The following GADL1 variants were observed in gnomAD, a reference collection of about 807,000 sequenced individuals.
GADL1 encodes GAD like acidic amino acid decarboxylase 1.
In GADL1, 71 loss-of-function variants were observed where a neutral mutation model predicts 69.5. The observed-to-expected ratio is 1.02, with a 90% CI of 0.84 to 1.25. The LOEUF (loss-of-function observed/expected upper bound fraction) is 1.25, where lower values mean the gene tolerates loss of function less well. Ranked by LOEUF, GADL1 falls within the 50% of genes most tolerant of loss-of-function variation. The pLI is 0.00. For synonymous variants in GADL1, 254 were observed against 214.4 expected, an observed-to-expected ratio of 1.18 and a Z score of -1.62; for missense variants, 737 against 631.8, an observed-to-expected ratio of 1.17 and a Z score of -1.79.
chr3:30,742,601 G>A (rs1695643212), intron 14 of GADL1, among the ~76,000 whole-genome samples: 1 of 151,764 alleles, frequency 6.6e-6, no homozygotes, highest in Non-Finnish European at 1.5e-5. Context: ...ATAAAATTCA[G>A]GTCTTTTCTG....
intron 13 of GADL1, among the ~76,000 whole-genome samples, chr3:30,785,700 G>T (rs971785660): frequency 4.1e-4 from 62 of 152,240 alleles, no homozygotes; most frequent in African/African-American, 1.5e-3. Flanking sequence ...TATAGCACAG[G>T]TTCCAAGACT....
intron 1 of GADL1, among the ~76,000 whole-genome samples, chr3:30,877,672 A>G (rs1428442095): frequency 1.3e-5 from 2 of 152,060 alleles, no homozygotes; most frequent in East Asian, 3.9e-4. Context: ...GTATTAAAAG[A>G]TCAAACAACA....
intron 14 of GADL1, among the ~76,000 whole-genome samples, chr3:30,777,793 G>GT (rs1398741163): frequency 1.3e-5 from 2 of 152,190 alleles, no homozygotes; most frequent in South Asian, 2.1e-4. Context: ...CTTACAAAAA[G>GT]TATCAGATTT....
chr3:30,841,739 G>A (rs1429694132), intron 8 of GADL1, among the ~76,000 whole-genome samples: 1 of 152,158 alleles, frequency 6.6e-6, no homozygotes, highest in East Asian at 1.9e-4. Context: ...ACCACTAAGT[G>A]AGAAGCTGAT....
Position 30,858,181 on chromosome 3 carries a change from C to G in GADL1, c.211-1040G>C, listed in dbSNP as rs546684592. Among the ~76,000 whole-genome samples, 7 of 152,150 alleles carry G rather than the reference C, an allele frequency of 4.6e-5. No homozygotes were observed. The South Asian group carries it at 1.5e-3, about 32-fold the overall frequency. ...GCTCACTGATCCCAAGTGACTACCACAGAGTCTGCACATAATAGTGCTCAA... is the reference window on the plus strand; with the variant it reads ...GCTCACTGATCCCAAGTGACTACCAGAGAGTCTGCACATAATAGTGCTCAA... On this transcript the variant is annotated intron_variant, in intron 2 of 14. Transcript: ENST00000282538.
intron 14 of GADL1, 135 bp from the exon 15 acceptor site, chr3:30,728,550 C>T (rs1695406214): frequency 1.6e-6 from 1 of 626,982 alleles, no homozygotes; most frequent in South Asian, 1.9e-5. Context: ...AAGGTTGACA[C>T]TAATAATAAT....
chr3:30,811,433 C>T (rs909081278), intron 11 of GADL1, among the ~76,000 whole-genome samples: 2 of 152,154 alleles, frequency 1.3e-5, no homozygotes, highest in Admixed American at 6.6e-5. Flanking sequence ...ATAGTACAAT[C>T]GGTCTTCTCT....
chr3:30,752,335 C>T (rs773290677), intron 14 of GADL1, among the ~76,000 whole-genome samples: 12 of 152,130 alleles, frequency 7.9e-5, no homozygotes, highest in South Asian at 2.1e-4. Flanking sequence ...CTCTTGCTGA[C>T]AGTTACGGGT....
In GADL1 at chr3:30,783,408, T is replaced by C. The variant is rs573973848; in HGVS notation, c.1302+2947A>G. On this transcript the variant is annotated intron_variant, in intron 13 of 14. Transcript: ENST00000282538. ...AAAATAATACATTTCTTGAAGATGATTGAAAGTTATTTTTATTCTTTCCAG... is the reference window on the plus strand; with the variant it reads ...AAAATAATACATTTCTTGAAGATGACTGAAAGTTATTTTTATTCTTTCCAG... Among the ~76,000 whole-genome samples, 24 of 152,110 alleles carry C rather than the reference T, an allele frequency of 1.6e-4. 1 individual carries two copies. Among genetic ancestry groups the C allele is most frequent in the African/African-American group, 4.8e-4 (20 of 41,544 alleles).
chr3:30,843,561 A>ACAC (rs1003895004), intron 8 of GADL1, among the ~76,000 whole-genome samples: 5 of 152,156 alleles, frequency 3.3e-5, no homozygotes, highest in African/African-American at 1.2e-4. Flanking sequence ...CGGCCTAATG[A>ACAC]CACCCCTTTT....
chr3:30,730,103 C>T (rs934635015), intron 14 of GADL1, among the ~76,000 whole-genome samples: 4 of 152,120 alleles, frequency 2.6e-5, no homozygotes, highest in African/African-American at 9.7e-5. Flanking sequence ...TAAACAACAG[C>T]CTGCATTCAC....
At chr3:30,860,549 A>G (rs576106927) in intron 2 of GADL1, among the ~76,000 whole-genome samples, 255 of 152,134 alleles carry the variant, frequency 1.7e-3, no homozygotes, top group Non-Finnish European at 2.2e-3. Flanking sequence ...TGCCTTGAAC[A>G]TAACTTCCAA....
In GADL1 at chr3:30,894,561, C is replaced by CCG; in HGVS notation, c.37+15_37+16dup. ...GGGAGGTTAAGGACAAAAACCGCAG[C>CCG]CGCGCTGAGTCGTTACCGTCCACAG... On this transcript the variant is annotated intron_variant, in intron 1 of 14. Coordinates refer to ENST00000282538, the MANE Select transcript of GADL1 (RefSeq NM_207359.3). 6.5e-7 allele frequency: 1 copy of CCG among 1,546,934 alleles called. No individual in the cohort carries two copies. Among genetic ancestry groups the CCG allele is most frequent in the Non-Finnish European group, 8.7e-7 (1 of 1,144,224 alleles).
At chr3:30,779,197 T>TC (rs1696603842) in intron 13 of GADL1, 1 of 152,324 alleles carries the variant, frequency 6.6e-6, no homozygotes, top group African/African-American at 2.4e-5. Context: ...GACTAGGAGA[T>TC]CTGGGACATT....
chr3:30,753,667 T>A (rs1695890946), intron 14 of GADL1, among the ~76,000 whole-genome samples: 1 of 152,166 alleles, frequency 6.6e-6, no homozygotes, highest in South Asian at 2.1e-4. Context: ...GCTTAGAGAA[T>A]CCCAGTTCAT....
intron 1 of GADL1, among the ~76,000 whole-genome samples, chr3:30,868,339 G>A (rs1382377311): frequency 6.6e-6 from 1 of 151,994 alleles, no homozygotes; most frequent in Non-Finnish European, 1.5e-5. Context: ...AAAATTCCAG[G>A]TGTGATCTCA....
At chr3:30,818,031 A>G (rs2125516178) in intron 11 of GADL1, among the ~76,000 whole-genome samples, 1 of 152,298 alleles carries the variant, frequency 6.6e-6, no homozygotes, top group East Asian at 1.9e-4. Flanking sequence ...TGCCACAGCA[A>G]GACATGGAAG....
At chr3:30,893,067 G>C (rs1388590452) in intron 1 of GADL1, among the ~76,000 whole-genome samples, 7 of 152,138 alleles carry the variant, frequency 4.6e-5, no homozygotes, top group Admixed American at 4.6e-4. Flanking sequence ...TGTTGGCCAG[G>C]CTGGTCTCAA....
At chr3:30,888,436 G>A (rs565643721) in intron 1 of GADL1, among the ~76,000 whole-genome samples, 1 of 152,158 alleles carries the variant, frequency 6.6e-6, no homozygotes, top group African/African-American at 2.4e-5. Flanking sequence ...AGACCCTCAG[G>A]AATCCTCAGA....
Sources: gnomAD v4.1 joint callset for allele counts (sites outside exome capture counted in the v4.1 genomes callset) on GRCh38, gnomAD v4.1.1 for gene constraint, MANE v1.5 for transcripts, NCBI Gene and HGNC (gene_info 2026-07-23, HGNC 2026-07-21) for gene names.